RELCH: variants seen among roughly 807,000 people sequenced by gnomAD.
RELCH encodes the protein RAB11-binding protein RELCH.
A neutral mutation model predicts 150.3 loss-of-function variants in RELCH; 41 were observed. That is an observed-to-expected ratio of 0.27 (90% CI 0.21 to 0.35). RELCH has a LOEUF of 0.35. RELCH is among the 10% of genes least tolerant of loss of function. The pLI is 1.00. For missense variants in RELCH, 1,092 were observed against 1,467.8 expected (o/e 0.74, Z 4.18); for synonymous variants, 478 against 531.8 (o/e 0.90, Z 1.39).
At chr18:62,197,870 C>G (rs757065665) in intron 1 of RELCH, among the ~76,000 whole-genome samples, 8 of 152,210 alleles carry the variant, frequency 5.3e-5, no homozygotes, top group Non-Finnish European at 1.0e-4. Context: ...AACACTAGGT[C>G]TGTGCCAGAC....
intron 12 of RELCH, among the ~76,000 whole-genome samples, chr18:62,255,133 C>T (rs1415340038): frequency 2.0e-5 from 3 of 152,076 alleles, no homozygotes; most frequent in Admixed American, 2.0e-4. Flanking sequence ...GGAAGGCCTA[C>T]TCTTAGGCAA....
At chr18:62,217,343 T>C (rs1184127990) in intron 2 of RELCH, among the ~76,000 whole-genome samples, 1 of 152,038 alleles carries the variant, frequency 6.6e-6, no homozygotes, top group Admixed American at 6.6e-5. Context: ...TAGTAATTTA[T>C]ATATTAAGTC....
chr18:62,210,796 G>T (rs1192713917), intron 1 of RELCH, among the ~76,000 whole-genome samples: 1 of 152,114 alleles, frequency 6.6e-6, no homozygotes. Context: ...TGTGTGTTAG[G>T]CCGTGAAGAC....
In RELCH at chr18:62,250,938, CT is replaced by C. The variant is rs529221424; in HGVS notation, c.1734-1719del. Among the ~76,000 whole-genome samples, 15 of 152,216 alleles carry C rather than the reference CT, an allele frequency of 9.9e-5. No homozygotes were observed. In the East Asian group the frequency reaches 2.3e-3, roughly 23 times the overall value. On this transcript the variant is annotated intron_variant, in intron 11 of 28. Coordinates refer to ENST00000644646, the MANE Select transcript of RELCH (RefSeq NM_001346231.2). ...CTTTAAAACATCTATTAAAAATATA[CT>C]TTTTTTCCCATCAGGTTTTACTGTT...
intron 13 of RELCH, among the ~76,000 whole-genome samples, chr18:62,256,780 A>G (rs1171046395): frequency 6.6e-5 from 10 of 152,060 alleles, no homozygotes; most frequent in Non-Finnish European, 1.0e-4. Flanking sequence ...AAATCAGCAT[A>G]AAGCAAATGC....
chr18:62,264,272 G>A, intron 17 of RELCH, 127 bp downstream of exon 17: 2 of 676,534 alleles, frequency 3.0e-6, no homozygotes, highest in Non-Finnish European at 2.5e-6. Flanking sequence ...ACACCTTTAG[G>A]ACACAGAGGA....
intron 22 of RELCH, among the ~76,000 whole-genome samples, chr18:62,279,493 A>G (rs1159362968): frequency 4.6e-5 from 7 of 152,214 alleles, no homozygotes; most frequent in African/African-American, 1.7e-4. Context: ...TTTGATGGAC[A>G]TTGAAATTGC....
At chr18:62,282,592 A>G (rs1814299946) in intron 25 of RELCH, 148 bp downstream of exon 25, 1 of 738,382 alleles carries the variant, frequency 1.4e-6, no homozygotes. Flanking sequence ...ACTCTTGTGT[A>G]CTGAAAGCTA....
intron 10 of RELCH, among the ~76,000 whole-genome samples, chr18:62,239,206 T>G (rs1424383008): frequency 1.3e-5 from 2 of 152,112 alleles, no homozygotes; most frequent in African/African-American, 2.4e-5. Context: ...GGTAAGGTTA[T>G]TTAGGTACTT....
rs1296819991 is a variant in RELCH at position 62,252,716 on chromosome 18, C to T, written c.1786C>T (p.Arg596Cys). The T allele has an allele frequency of 6.8e-6, 11 of 1,613,802 alleles. No homozygotes were observed. Among genetic ancestry groups the T allele is most frequent in the East Asian group, 2.2e-5 (1 of 44,854 alleles). Reference sequence around the variant, plus strand: ...ATTTGCGCGTCATGTTGGACCAACACGTGTAGAAGCTGAACTTTTACCACA... The same window carrying T: ...ATTTGCGCGTCATGTTGGACCAACATGTGTAGAAGCTGAACTTTTACCACA... ...VAFARHVGPT[R>C]VEAELLPQCW... The change falls in exon 12 of 29, where the codon CGT becomes TGT. Residue 596 changes from arginine (R) to cysteine (C), a missense_variant. Physicochemically the swap from Arg to Cys is radical, Grantham distance 180. Around this residue, in one of 4 missense-constraint regions of RELCH, gnomAD observed 707 missense variants for 1,025.4 expected, o/e 0.69. Transcript: ENST00000644646.
At chr18:62,199,291 A>G (rs1208768876) in intron 1 of RELCH, among the ~76,000 whole-genome samples, 1 of 151,954 alleles carries the variant, frequency 6.6e-6, no homozygotes, top group East Asian at 1.9e-4. Context: ...GAAATTAATT[A>G]TATACAGACC....
At chr18:62,211,882 T>C (rs1334102506) in intron 2 of RELCH, among the ~76,000 whole-genome samples, 1 of 152,212 alleles carries the variant, frequency 6.6e-6, no homozygotes, top group Non-Finnish European at 1.5e-5. Context: ...CATCACAGCA[T>C]GTCTTCAGAA....
intron 10 of RELCH, among the ~76,000 whole-genome samples, chr18:62,242,846 G>A (rs544125624): frequency 6.6e-6 from 1 of 152,186 alleles, no homozygotes; most frequent in Non-Finnish European, 1.5e-5. Flanking sequence ...TTAAGTGTGT[G>A]TGTGTGTGTT....
intron 2 of RELCH, among the ~76,000 whole-genome samples, chr18:62,215,805 CTGTAGTTCTG>C (rs1230642819): frequency 6.6e-6 from 1 of 152,100 alleles, no homozygotes; most frequent in Non-Finnish European, 1.5e-5. Context: ...TAGTACCAGG[CTGTAGTTCTG>C]ACCCATCTGT....
intron 9 of RELCH, among the ~76,000 whole-genome samples, chr18:62,231,956 T>A (rs759726400): frequency 6.6e-6 from 1 of 152,062 alleles, no homozygotes; most frequent in Non-Finnish European, 1.5e-5. Context: ...AGATTATCAC[T>A]GTAGCTAATG....
chr18:62,199,414 C>T (rs1395974909), intron 1 of RELCH, among the ~76,000 whole-genome samples: 1 of 152,084 alleles, frequency 6.6e-6, no homozygotes, highest in Admixed American at 6.6e-5. Flanking sequence ...CTTATATTGT[C>T]CTCTTTCATG....
chr18:62,280,291 G>C, intron 23 of RELCH: 3 of 1,306,320 alleles, frequency 2.3e-6, no homozygotes, highest in Non-Finnish European at 3.3e-6. Flanking sequence ...CCCATCCTCA[G>C]TCACAGCTAA....
chr18:62,291,687 C>A, intron 27 of RELCH, 56 bp downstream of exon 27: 2 of 1,108,132 alleles, frequency 1.8e-6, no homozygotes, highest in Non-Finnish European at 2.7e-6. Context: ...CATATATAGA[C>A]TTGCAGTCTT....
chr18:62,188,893 T>A lies in RELCH; in HGVS notation c.526+862T>A, dbSNP rs1030755726. On this transcript the variant is annotated intron_variant, in intron 1 of 28. Transcript: ENST00000644646. ...GGAGGTATCTTAAATATTCCCTTACTAATGTATGGAGATGTTTTAGTATGA... is the reference window on the plus strand; with the variant it reads ...GGAGGTATCTTAAATATTCCCTTACAAATGTATGGAGATGTTTTAGTATGA... 2.6e-5 allele frequency among the ~76,000 whole-genome samples: 4 copies of A among 152,236 alleles called. No homozygotes were observed. In the South Asian group the frequency reaches 8.3e-4, roughly 31 times the overall value.
Sources: allele counts gnomAD v4.1 joint callset (sites outside exome capture counted in the v4.1 genomes callset), GRCh38; gene constraint gnomAD v4.1.1; regional missense constraint gnomAD v4.1.1; transcripts MANE v1.5; gene names NCBI Gene and HGNC (gene_info 2026-07-23, HGNC 2026-07-21).